The following TSPAN4 variants were observed in gnomAD, a reference collection of about 807,000 sequenced individuals.
TSPAN4 encodes the protein tetraspanin 4.
Under a neutral mutation model 31.5 loss-of-function variants are expected in TSPAN4, and 38 were observed. The ratio of observed to expected loss-of-function variants is 1.21; its 90% CI spans 0.93 to 1.58. TSPAN4 has a LOEUF of 1.58. Among genes scored for constraint, TSPAN4 ranks in the 40% most tolerant of loss-of-function variants. The pLI is 0.00. For synonymous variants in TSPAN4, 186 were observed against 144.6 expected (o/e 1.29, Z -2.06); for missense variants, 330 against 317.3 (o/e 1.04, Z -0.30).
intron 5 of TSPAN4, 59 bp downstream of exon 5, chr11:864,570 A>G: frequency 6.3e-7 from 1 of 1,598,024 alleles, no homozygotes; most frequent in South Asian, 1.1e-5. Flanking sequence ...CCTCACTCCC[A>G]GGGAGCACTG....
intron 4 of TSPAN4, 127 bp from the exon 5 acceptor site, chr11:864,310 G>T (rs1351937635): frequency 1.7e-6 from 2 of 1,180,614 alleles, no homozygotes; most frequent in African/African-American, 3.0e-5. Flanking sequence ...TCTGGGAGTG[G>T]GGGCCTGGCA....
chr11:850,515 C>A, intron 3 of TSPAN4, 148 bp downstream of exon 3: 1 of 689,632 alleles, frequency 1.5e-6, no homozygotes, highest in Non-Finnish European at 2.4e-6. Flanking sequence ...AAGACCGCTG[C>A]TCCGGCTAGG....
At chr11:855,850 C>T (rs966716742) in intron 3 of TSPAN4, among the ~76,000 whole-genome samples, 4 of 152,176 alleles carry the variant, frequency 2.6e-5, no homozygotes, top group Non-Finnish European at 4.4e-5. Context: ...TGGACAGAGC[C>T]CTGGCCCCTG....
chr11:850,485 G>C, intron 3 of TSPAN4, 118 bp downstream of exon 3: 1 of 878,220 alleles, frequency 1.1e-6, no homozygotes, highest in Non-Finnish European at 1.8e-6. Flanking sequence ...GCGGTTGTGG[G>C]GATGGTCCCG....
intron 3 of TSPAN4, among the ~76,000 whole-genome samples, chr11:855,935 A>T (rs28457608): frequency 6.6e-6 from 1 of 152,220 alleles, no homozygotes; most frequent in Non-Finnish European, 1.5e-5. Context: ...CCGCATGGCC[A>T]GAGGGGCAGT....
intron 3 of TSPAN4, chr11:858,406 C>G (rs1266361126): frequency 6.5e-6 from 1 of 153,060 alleles, no homozygotes; most frequent in African/African-American, 2.4e-5. Flanking sequence ...GACAGATTCT[C>G]TTAATTAGGG....
At chr11:852,718 A>C (rs759997707) in intron 3 of TSPAN4, among the ~76,000 whole-genome samples, 7 of 152,204 alleles carry the variant, frequency 4.6e-5, no homozygotes, top group Non-Finnish European at 8.8e-5. Context: ...TGGGGGTGCC[A>C]GCCCCCTGTT....
intron 5 of TSPAN4, 143 bp from the exon 6 acceptor site, chr11:865,370 G>A (rs999514994): frequency 1.5e-6 from 1 of 654,580 alleles, no homozygotes; most frequent in Non-Finnish European, 2.7e-6. Flanking sequence ...GGGCCGGTGT[G>A]TCTGCAGCTT....
chr11:865,622 G>A lies in TSPAN4; in HGVS notation c.432+8G>A, dbSNP rs199963813. On this transcript the variant is annotated splice_region_variant and intron_variant, in intron 6 of 8. Transcript: ENST00000397397. Reference sequence around the variant, plus strand: ...AGCATCATCCAGACCGACGTGAGGCGTGGGCAGGTGGGCGGGGTCGGCGGG... The same window carrying A: ...AGCATCATCCAGACCGACGTGAGGCATGGGCAGGTGGGCGGGGTCGGCGGG... 5.9e-4 allele frequency: 952 copies of A among 1,612,772 alleles called. 13 individuals carry two copies. In the South Asian group the frequency reaches 9.8e-3, roughly 17 times the overall value.
chr11:861,219 G>A (rs1848438048), intron 3 of TSPAN4, among the ~76,000 whole-genome samples: 1 of 152,238 alleles, frequency 6.6e-6, no homozygotes, highest in Non-Finnish European at 1.5e-5. Flanking sequence ...CACAGTAAGA[G>A]CTCTGGCGGT....
At chr11:852,261 T>C (rs1321029886) in intron 3 of TSPAN4, among the ~76,000 whole-genome samples, 2 of 152,174 alleles carry the variant, frequency 1.3e-5, no homozygotes, top group East Asian at 3.9e-4. Flanking sequence ...ATTGCTGGGA[T>C]TACAGGCGCG....
intron 8 of TSPAN4, 40 bp downstream of exon 8, chr11:866,041 G>C (rs1024140917): frequency 6.2e-7 from 1 of 1,602,988 alleles, no homozygotes; most frequent in East Asian, 2.2e-5. Flanking sequence ...CCCCCACTTT[G>C]TTAGGACCTT....
At chr11:855,926 C>T (rs912794759) in intron 3 of TSPAN4, among the ~76,000 whole-genome samples, 5 of 152,330 alleles carry the variant, frequency 3.3e-5, no homozygotes, top group South Asian at 4.1e-4. Flanking sequence ...GCCACAAAGC[C>T]GCATGGCCAG....
At chr11:855,945 TGGGCTGA>T (rs1308233354) in intron 3 of TSPAN4, among the ~76,000 whole-genome samples, 2 of 152,108 alleles carry the variant, frequency 1.3e-5, no homozygotes, top group African/African-American at 2.4e-5. Context: ...AGAGGGGCAG[TGGGCTGA>T]GGGCTGAGAG....
Position 865,509 on chromosome 11 carries a change from C to G in TSPAN4, c.331-4C>G, listed in dbSNP as rs201378484. ...GGCCCTGCTGACCCCCCCCGCACCC[C>G]CAGATTGACAGGTATGCCCAGCAAG... On this transcript the variant is annotated splice_polypyrimidine_tract_variant and splice_region_variant and intron_variant, in intron 5 of 8. Coordinates refer to ENST00000397397, the MANE Select transcript of TSPAN4 (RefSeq NM_003271.5). The G allele has an allele frequency of 4.3e-6, 7 of 1,610,174 alleles. No individual in the cohort carries two copies. Among genetic ancestry groups the G allele is most frequent in the Non-Finnish European group, 5.9e-6 (7 of 1,179,234 alleles).
chr11:857,109 G>C (rs942648453), intron 3 of TSPAN4: 2 of 152,272 alleles, frequency 1.3e-5, no homozygotes, highest in Admixed American at 6.5e-5. Context: ...TGCCGTCTCC[G>C]GTGGAGGTGA....
In TSPAN4 at chr11:864,405, C is replaced by T. The variant is rs201260354; in HGVS notation, c.256-32C>T. The T allele has an allele frequency of 3.1e-5, 50 of 1,609,718 alleles. No individual in the cohort carries two copies. The Middle Eastern group carries it at 9.9e-4, about 32-fold the overall frequency. On this transcript the variant is annotated intron_variant, in intron 4 of 8. Transcript: ENST00000397397. Reference sequence around the variant, plus strand: ...GTGGGGCGGAGGCTGTGCGGCCTTTCGGGTCCCTGTCTGAGCCTGCCCCCT... The same window carrying T: ...GTGGGGCGGAGGCTGTGCGGCCTTTTGGGTCCCTGTCTGAGCCTGCCCCCT...
rs1473434805 is a variant in TSPAN4 at position 866,832 on chromosome 11, A to AG, written c.*206dup. On this transcript the variant is annotated 3_prime_UTR_variant, in exon 9 of 9. Transcript: ENST00000397397. Reference sequence around the variant, plus strand: ...TCAGGGCCTCCGGACCCCCCCTGGGAGGGGTGGCCACGTGCTGGCTGCGGA... The same window carrying AG: ...TCAGGGCCTCCGGACCCCCCCTGGGAGGGGGTGGCCACGTGCTGGCTGCGGA... The AG allele has an allele frequency of 1.7e-5, 9 of 531,538 alleles. No individual in the cohort carries two copies. Among genetic ancestry groups the AG allele is most frequent in the Non-Finnish European group, 2.6e-5 (8 of 304,416 alleles). The allele number at this position is 531,538 out of a possible 1,614,324, so 32.9% of individuals were successfully genotyped here.
intron 3 of TSPAN4, among the ~76,000 whole-genome samples, chr11:855,696 T>C (rs943699654): frequency 1.3e-5 from 2 of 152,096 alleles, no homozygotes; most frequent in African/African-American, 4.8e-5. Flanking sequence ...CCCACAGCTT[T>C]AAGGAAACAA....
Sources: allele counts gnomAD v4.1 joint callset (sites outside exome capture counted in the v4.1 genomes callset), GRCh38; gene constraint gnomAD v4.1.1; transcripts MANE v1.5; gene names NCBI Gene and HGNC (gene_info 2026-07-23, HGNC 2026-07-21).